PIK3R1: variants seen among roughly 807,000 people sequenced by gnomAD.
PIK3R1 encodes the protein phosphoinositide-3-kinase regulatory subunit 1.
In PIK3R1, 29 loss-of-function variants were observed where a neutral mutation model predicts 98.0. The observed-to-expected ratio is 0.30, with a 90% CI of 0.22 to 0.40. PIK3R1 has a LOEUF of 0.40. Ranked by LOEUF, PIK3R1 falls within the 10% of genes least tolerant of loss-of-function variation. The pLI is 1.00. For missense variants in PIK3R1, 596 were observed against 872.7 expected, an observed-to-expected ratio of 0.68 and a Z score of 3.99; for synonymous variants, 282 against 311.8, an observed-to-expected ratio of 0.90 and a Z score of 1.01.
At chr5:68,233,495 C>T (rs546115702) in intron 2 of PIK3R1, among the ~76,000 whole-genome samples, 12 of 152,274 alleles carry the variant, frequency 7.9e-5, no homozygotes, top group African/African-American at 2.9e-4. Context: ...TAGAAATGGG[C>T]TTTATTTCAA....
intron 2 of PIK3R1, among the ~76,000 whole-genome samples, chr5:68,227,984 C>T (rs1744344055): frequency 6.6e-6 from 1 of 152,228 alleles, no homozygotes; most frequent in African/African-American, 2.4e-5. Context: ...GCCTTATGCT[C>T]AGCTTTGCTG....
chr5:68,286,437 T>A (rs1034541651), intron 7 of PIK3R1, among the ~76,000 whole-genome samples: 2 of 152,242 alleles, frequency 1.3e-5, no homozygotes, highest in African/African-American at 4.8e-5. Flanking sequence ...AATTTGGACA[T>A]ACGAAATATA....
chr5:68,225,050 C>T (rs1011353515), intron 1 of PIK3R1, among the ~76,000 whole-genome samples: 2 of 152,232 alleles, frequency 1.3e-5, no homozygotes, highest in Admixed American at 6.5e-5. Context: ...CCATCATGGG[C>T]GAAGCCCCAA....
At chr5:68,238,767 G>A (rs1328940650) in intron 2 of PIK3R1, among the ~76,000 whole-genome samples, 1 of 152,148 alleles carries the variant, frequency 6.6e-6, no homozygotes, top group Non-Finnish European at 1.5e-5. Flanking sequence ...AGGGAACCAA[G>A]TGAAATAGAA....
intron 3 of PIK3R1, 164 bp downstream of exon 3, chr5:68,273,646 G>A: frequency 1.6e-6 from 1 of 642,508 alleles, no homozygotes; most frequent in Non-Finnish European, 2.7e-6. Context: ...TGGGAAAAAT[G>A]TCTCAGTCTA....
chr5:68,296,470 G>A, intron 15 of PIK3R1, 129 bp downstream of exon 15: 1 of 849,632 alleles, frequency 1.2e-6, no homozygotes, highest in Non-Finnish European at 1.8e-6. Context: ...GTACAATAAT[G>A]TAGAAGAGAA....
rs2112164026 is a variant in PIK3R1, at chr5:68,273,338, A to G, written c.335-52A>G. 2.1e-6 allele frequency: 3 copies of G among 1,432,552 alleles called. No homozygotes were observed. The East Asian group carries it at 6.8e-5, about 33-fold the overall frequency. The allele number at this position is 1,432,552 out of a possible 1,614,324, so 88.7% of individuals were successfully genotyped here. A position where few individuals can be genotyped will look rare whatever the true frequency, so the allele number is the denominator to read the frequency against. ...TTTGTACGTCCTTCATTGTGGTCTA[A>G]TGCATTCAACTATCCAAATTAAATA... On this transcript the variant is annotated intron_variant, in intron 2 of 15. Transcript: ENST00000521381.
In PIK3R1 at chr5:68,300,493, G is replaced by A. The variant is rs1580274209; in HGVS notation, c.*2892G>A. 3 of 233,272 alleles carry A rather than the reference G, an allele frequency of 1.3e-5. No homozygotes were observed. The East Asian group carries it at 1.8e-4, about 14-fold the overall frequency. 14.5% of individuals were successfully genotyped at this position (233,272 alleles called of 1,614,324 possible). On this transcript the variant is annotated 3_prime_UTR_variant, in exon 16 of 16. Transcript: ENST00000521381. ...AGATAAAGCCAGAAGCTAAGCTGCA[G>A]TGAGGCTGTGATTGGGCGTAGAAGT... is the stretch of plus-strand genomic sequence containing the variant.
intron 2 of PIK3R1, among the ~76,000 whole-genome samples, chr5:68,248,443 AC>A (rs966395647): frequency 6.6e-6 from 1 of 152,178 alleles, no homozygotes. Context: ...GTATCTAAAC[AC>A]CCTTCAATTC....
At chr5:68,276,027 T>C (rs377518142) in intron 4 of PIK3R1, among the ~76,000 whole-genome samples, 130 of 152,202 alleles carry the variant, frequency 8.5e-4, no homozygotes, top group Admixed American at 4.5e-3. Context: ...TTCTTTCACA[T>C]TTTTCAGTGC....
In PIK3R1 at chr5:68,299,326, T is replaced by C. The variant is rs752783857; in HGVS notation, c.*1725T>C. ...AACATAAAGCAAATAGACACAGTCATACTGTCACTGCTCTGGACTGTGTGG... is the reference window on the plus strand; with the variant it reads ...AACATAAAGCAAATAGACACAGTCACACTGTCACTGCTCTGGACTGTGTGG... On this transcript the variant is annotated 3_prime_UTR_variant, in exon 16 of 16. Coordinates refer to ENST00000521381, the MANE Select transcript of PIK3R1 (RefSeq NM_181523.3). 1.3e-5 allele frequency: 3 copies of C among 228,014 alleles called. No homozygotes were observed. The highest frequency in any genetic ancestry group is 2.6e-5 in the Non-Finnish European group (3 of 117,000). The allele number at this position is 228,014 out of a possible 1,614,324, so 14.1% of individuals were successfully genotyped here.
chr5:68,272,912 A>C (rs1256556449), intron 2 of PIK3R1, among the ~76,000 whole-genome samples: 1 of 152,180 alleles, frequency 6.6e-6, no homozygotes, highest in Non-Finnish European at 1.5e-5. Context: ...TGTTCAATAA[A>C]ATCTGTCCCA....
At position 68,295,341 on chromosome 5, in the gene PIK3R1, G is replaced by C. The variant is rs1391294543; in HGVS notation, c.1745+17G>C. 6.2e-7 allele frequency: 1 copy of C among 1,613,138 alleles called. No homozygotes were observed. Among genetic ancestry groups the C allele is most frequent in the East Asian group, 2.2e-5 (1 of 44,854 alleles). On this transcript the variant is annotated intron_variant, in intron 13 of 15. Transcript: ENST00000521381. ...ATACTTGATGTAAGTATTTGAAATG[G>C]AATCCTATACATGAATAATTGGTGA... is the stretch of plus-strand genomic sequence containing the variant.
chr5:68,224,750 G>A (rs1580171684), intron 1 of PIK3R1, among the ~76,000 whole-genome samples: 1 of 152,250 alleles, frequency 6.6e-6, no homozygotes, highest in East Asian at 1.9e-4. Flanking sequence ...ACCTTTGGGT[G>A]GCTTTTACTC....
At chr5:68,294,778 C>A in intron 12 of PIK3R1, 100 bp downstream of exon 12, 17 of 681,942 alleles carry the variant, frequency 2.5e-5, no homozygotes, top group South Asian at 3.5e-5. Context: ...CACGTGGACA[C>A]AGGAAGGGGA....
At chr5:68,289,413 A>G (rs1369729070) in intron 7 of PIK3R1, among the ~76,000 whole-genome samples, 1 of 152,060 alleles carries the variant, frequency 6.6e-6, no homozygotes, top group Non-Finnish European at 1.5e-5. Flanking sequence ...TCTGCTTTTT[A>G]ATATATTTTA....
chr5:68,285,311 C>T (rs1205819444), intron 7 of PIK3R1, among the ~76,000 whole-genome samples: 1 of 152,158 alleles, frequency 6.6e-6, no homozygotes, highest in African/African-American at 2.4e-5. Context: ...CCTGAAGAGC[C>T]TGATTCATAA....
At chr5:68,220,926 C>A (rs756732625) in intron 1 of PIK3R1, among the ~76,000 whole-genome samples, 12 of 152,182 alleles carry the variant, frequency 7.9e-5, no homozygotes, top group East Asian at 1.9e-4. Flanking sequence ...TTGAATGTGT[C>A]CCCCAGAGTT....
At chr5:68,294,783 A>AG (rs1747603045) in intron 12 of PIK3R1, 105 bp downstream of exon 12, 1 of 381,240 alleles carries the variant, frequency 2.6e-6, no homozygotes, top group Non-Finnish European at 3.9e-6. Context: ...GGACACAGGA[A>AG]GGGGAATATC....
Sources: allele counts gnomAD v4.1 joint callset (sites outside exome capture counted in the v4.1 genomes callset), GRCh38; gene constraint gnomAD v4.1.1; transcripts MANE v1.5; gene names NCBI Gene and HGNC (gene_info 2026-07-23, HGNC 2026-07-21).